CHST11: variants seen among roughly 807,000 people sequenced by gnomAD.
The protein encoded by CHST11 is C4S-1.
In CHST11, 9 loss-of-function variants were observed where a neutral mutation model predicts 30.4. The ratio of observed to expected loss-of-function variants is 0.30; its 90% CI spans 0.18 to 0.52. The LOEUF (loss-of-function observed/expected upper bound fraction) is 0.52. Ranked by LOEUF, CHST11 falls within the 20% of genes least tolerant of loss-of-function variation. The pLI is 0.97. For synonymous variants in CHST11, 152 were observed against 187.8 expected (o/e 0.81, Z 1.56); for missense variants, 348 against 460.6 (o/e 0.76, Z 2.24).
intron 2 of CHST11, among the ~76,000 whole-genome samples, chr12:104,670,786 A>G (rs1294785477): frequency 7.8e-6 from 1 of 128,226 alleles, no homozygotes; most frequent in Non-Finnish European, 1.6e-5. Context: ...CCACACATAC[A>G]CTCTCACACA....
chr12:104,513,144 GT>G lies in CHST11; in HGVS notation c.118+55616del, dbSNP rs372493686. 4.2e-4 allele frequency among the ~76,000 whole-genome samples: 49 copies of G among 115,616 alleles called. 1 individual carries two copies. Among genetic ancestry groups the G allele is most frequent in the African/African-American group, 9.6e-4 (27 of 28,198 alleles). The allele number at this position is 115,616 out of a possible 152,430, so 75.8% of individuals were successfully genotyped here. ...TGACTGGGGGGGGGGGGGGTTGGGG[GT>G]GGGGAGGGAGGGAGAGGTGGGCCAG... On this transcript the variant is annotated intron_variant, in intron 1 of 2. Coordinates refer to ENST00000303694, the MANE Select transcript of CHST11 (RefSeq NM_018413.6).
intron 1 of CHST11, among the ~76,000 whole-genome samples, chr12:104,565,070 A>G (rs932841967): frequency 1.3e-5 from 2 of 152,024 alleles, no homozygotes; most frequent in East Asian, 3.9e-4. Context: ...CAGCCAAACC[A>G]CATCAGTATT....
At chr12:104,690,818 A>G (rs927058084) in intron 2 of CHST11, among the ~76,000 whole-genome samples, 1 of 151,920 alleles carries the variant, frequency 6.6e-6, no homozygotes, top group African/African-American at 2.4e-5. Context: ...ACAGAGTGAG[A>G]CCCTGTCTCC....
intron 2 of CHST11, among the ~76,000 whole-genome samples, chr12:104,751,448 TA>T (rs1413031895): frequency 6.6e-6 from 1 of 152,220 alleles, no homozygotes; most frequent in Non-Finnish European, 1.5e-5. Flanking sequence ...ATGCTTCTCT[TA>T]GGGTGATGAA....
At chr12:104,675,449 T>G (rs2039732255) in intron 2 of CHST11, among the ~76,000 whole-genome samples, 1 of 152,238 alleles carries the variant, frequency 6.6e-6, no homozygotes, top group African/African-American at 2.4e-5. Context: ...TTTTTCTTAT[T>G]TTCTCTTAGC....
chr12:104,511,751 CT>C (rs1247292234), intron 1 of CHST11, among the ~76,000 whole-genome samples: 2 of 152,184 alleles, frequency 1.3e-5, no homozygotes, highest in Non-Finnish European at 2.9e-5. Context: ...CACACTATCA[CT>C]TTCCTTATTA....
chr12:104,583,047 C>T (rs1049247135), intron 1 of CHST11, among the ~76,000 whole-genome samples: 1 of 151,952 alleles, frequency 6.6e-6, no homozygotes, highest in Non-Finnish European at 1.5e-5. Context: ...ACCTGCCTGG[C>T]CAACTTGGAG....
intron 2 of CHST11, among the ~76,000 whole-genome samples, chr12:104,670,182 A>G (rs559789238): frequency 6.6e-6 from 1 of 152,300 alleles, no homozygotes; most frequent in East Asian, 1.9e-4. Context: ...CACCCTGGCC[A>G]GGTGCACTCT....
At chr12:104,541,133 C>A (rs1246291308) in intron 1 of CHST11, among the ~76,000 whole-genome samples, 1 of 137,208 alleles carries the variant, frequency 7.3e-6, no homozygotes, top group Non-Finnish European at 1.5e-5. Context: ...CTCTCTCTCA[C>A]ACACACACAC....
At chr12:104,595,649 G>A (rs1307591090) in intron 1 of CHST11, among the ~76,000 whole-genome samples, 1 of 152,190 alleles carries the variant, frequency 6.6e-6, no homozygotes, top group Non-Finnish European at 1.5e-5. Context: ...AGCCAGGGCT[G>A]GGATCCAGCT....
chr12:104,491,106 C>G (rs965741113), intron 1 of CHST11, among the ~76,000 whole-genome samples: 1 of 151,908 alleles, frequency 6.6e-6, no homozygotes, highest in Non-Finnish European at 1.5e-5. Flanking sequence ...ACAATTATCT[C>G]TGAGGGCCCG....
At chr12:104,704,685 C>T (rs1235648823) in intron 2 of CHST11, among the ~76,000 whole-genome samples, 1 of 152,194 alleles carries the variant, frequency 6.6e-6, no homozygotes, top group African/African-American at 2.4e-5. Context: ...ATACAAACAG[C>T]TGTTGTCCCT....
In CHST11 at chr12:104,748,609, C is replaced by T. The variant is rs141779353; in HGVS notation, c.205-8340C>T. Reference sequence around the variant, plus strand: ...GGAGTGGAGTCGGGGGAGAGATGGCCGTGTGAGAAGGCAGCAAGCAAGGCA... The same window carrying T: ...GGAGTGGAGTCGGGGGAGAGATGGCTGTGTGAGAAGGCAGCAAGCAAGGCA... On this transcript the variant is annotated intron_variant, in intron 2 of 2. Transcript: ENST00000303694. Among the ~76,000 whole-genome samples, 679 of 151,900 alleles carry T rather than the reference C, an allele frequency of 4.5e-3. 5 individuals carry two copies. Among genetic ancestry groups the T allele is most frequent in the African/African-American group, 0.016 (650 of 41,376 alleles).
chr12:104,713,354 T>C (rs2040103521), intron 2 of CHST11, among the ~76,000 whole-genome samples: 1 of 152,048 alleles, frequency 6.6e-6, no homozygotes, highest in African/African-American at 2.4e-5. Flanking sequence ...ATTTGTGAGA[T>C]GGAGCCCTCC....
chr12:104,458,786 G>A lies in CHST11; in HGVS notation c.118+1257G>A, dbSNP rs1385734947. 6.6e-6 allele frequency among the ~76,000 whole-genome samples: 1 copy of A among 152,250 alleles called. No individual in the cohort carries two copies. Among genetic ancestry groups the A allele is most frequent in the Non-Finnish European group, 1.5e-5 (1 of 68,044 alleles). ...AGGTGGAAACGCATTTCCTTCCAGG[G>A]AAGTGGGGTTGGTGTTTTTCATTTT... is the stretch of plus-strand genomic sequence containing the variant. On this transcript the variant is annotated intron_variant, in intron 1 of 2. Transcript: ENST00000303694. This position sits in a 1 kb window ranked among gnomAD's most constrained non-coding sequence, Gnocchi z 5.7.
intron 2 of CHST11, among the ~76,000 whole-genome samples, chr12:104,693,865 T>G (rs1340475594): frequency 6.6e-6 from 1 of 152,202 alleles, no homozygotes; most frequent in Non-Finnish European, 1.5e-5. Flanking sequence ...TGGGACCGCT[T>G]ATATAAAATG....
chr12:104,563,908 T>G (rs899138591), intron 1 of CHST11, among the ~76,000 whole-genome samples: 1 of 152,062 alleles, frequency 6.6e-6, no homozygotes, highest in Admixed American at 6.6e-5. Context: ...TGCTCAGTTG[T>G]CATTTGACTC....
chr12:104,751,245 G>A (rs1240883661), intron 2 of CHST11, among the ~76,000 whole-genome samples: 3 of 152,236 alleles, frequency 2.0e-5, no homozygotes, highest in Admixed American at 2.0e-4. Flanking sequence ...CTCAAAAGAG[G>A]TTGGGAGGGT....
At chr12:104,754,978 TGACCATCACCATCCTTTGTCCTGGG>T (rs1461408368) in intron 2 of CHST11, among the ~76,000 whole-genome samples, 1 of 152,174 alleles carries the variant, frequency 6.6e-6, no homozygotes. Context: ...GTTGTCATGG[TGACCATCACCATCCTTTGTCCTGGG>T]GACCATGAGA....
Sources: allele counts gnomAD v4.1 joint callset (sites outside exome capture counted in the v4.1 genomes callset), GRCh38; gene constraint gnomAD v4.1.1; non-coding constraint Gnocchi (gnomAD v3.1); transcripts MANE v1.5; gene names NCBI Gene and HGNC (gene_info 2026-07-23, HGNC 2026-07-21).